KLC1: variants seen among roughly 807,000 people sequenced by gnomAD.
KLC1 encodes kinesin light chain 1.
A neutral mutation model predicts 84.2 loss-of-function variants in KLC1; 30 were observed. The observed-to-expected ratio is 0.36, with a 90% CI of 0.27 to 0.48. KLC1 has a LOEUF of 0.48. Among genes scored for constraint, KLC1 ranks in the 20% least tolerant of loss-of-function variants. KLC1 has a pLI of 0.99. For synonymous variants in KLC1, 289 were observed against 293.3 expected, an observed-to-expected ratio of 0.99 and a Z score of 0.15; for missense variants, 499 against 805.4, an observed-to-expected ratio of 0.62 and a Z score of 4.60.
chr14:103,639,780 CAG>C (rs928116872), intron 1 of KLC1, among the ~76,000 whole-genome samples: 2 of 151,334 alleles, frequency 1.3e-5, no homozygotes, highest in Non-Finnish European at 2.9e-5. Flanking sequence ...ATTTTTGAGA[CAG>C]GGTCTCAACT....
intron 14 of KLC1, among the ~76,000 whole-genome samples, chr14:103,691,153 C>T (rs548920671): frequency 1.7e-5 from 2 of 118,372 alleles, no homozygotes; most frequent in South Asian, 3.0e-4. Flanking sequence ...TGGTTCCCCC[C>T]ACTTTTTTTT....
chr14:103,638,390 T>G (rs781456041), intron 1 of KLC1, among the ~76,000 whole-genome samples: 1 of 152,204 alleles, frequency 6.6e-6, no homozygotes, highest in Non-Finnish European at 1.5e-5. Flanking sequence ...AAAATTGAAA[T>G]GTAAGTCACA....
At chr14:103,659,033 A>G (rs537852669) in intron 3 of KLC1, among the ~76,000 whole-genome samples, 1 of 150,530 alleles carries the variant, frequency 6.6e-6, no homozygotes, top group East Asian at 2.0e-4. Flanking sequence ...GCTGGAGTGC[A>G]ATGGCGCGAT....
chr14:103,681,266 C>T (rs1479282952), intron 13 of KLC1, among the ~76,000 whole-genome samples: 2 of 152,134 alleles, frequency 1.3e-5, no homozygotes, highest in Admixed American at 6.5e-5. Context: ...GCAGTGGTTC[C>T]TAGACTCACT....
chr14:103,632,577 C>T (rs1475899802), intron 1 of KLC1, among the ~76,000 whole-genome samples: 15 of 151,820 alleles, frequency 9.9e-5, no homozygotes, highest in Non-Finnish European at 2.9e-5. Context: ...AAACCAAAAC[C>T]GGGTGTGGTG....
In KLC1 at chr14:103,679,411, G is replaced by T; in HGVS notation, c.1516G>T (p.Val506Leu). 2 of 1,614,076 alleles carry T rather than the reference G, an allele frequency of 1.2e-6. No individual in the cohort carries two copies. The highest frequency in any genetic ancestry group is 1.7e-6 in the Non-Finnish European group (2 of 1,180,030). The part of the protein sequence containing the change: ...QGLDNVHKQR[V>L]AEVLNDPENM... ...TCTTGACAATGTTCACAAACAGAGG[G>T]TGGCAGAAGTGCTCAATGACCCTGA... The change falls in exon 13 of 17, where the codon GTG (valine) becomes TTG (leucine). Residue 506 changes from valine (V) to leucine (L), a missense_variant. Val to Leu is a conservative substitution (Grantham distance 32, BLOSUM62 1). Transcript: ENST00000334553.
chr14:103,692,374 C>G lies in KLC1; in HGVS notation c.1797C>G (p.Ser599Arg). 6.5e-7 allele frequency: 1 copy of G among 1,536,704 alleles called. No individual in the cohort carries two copies. Among genetic ancestry groups the G allele is most frequent in the Non-Finnish European group, 8.7e-7 (1 of 1,147,028 alleles). ...EPKNPGMKRA[S>R]SLNVLNVGGK... ...CGGGTTGCAGCATGAAGCGTGCCAG[C>G]TCTCTGAATGTCCTTAACGTGGGTG... is the stretch of plus-strand genomic sequence containing the variant. Residue 599 changes from serine (S) to arginine (R), a missense_variant, in exon 15 of 17, where the codon AGC becomes AGG. Around this residue, in one of 3 missense-constraint regions of KLC1, gnomAD observed 167 missense variants for 208.8 expected, o/e 0.80. Coordinates refer to ENST00000334553, the MANE Select transcript of KLC1 (RefSeq NM_001394837.1).
Position 103,693,556 on chromosome 14 carries a change from C to A in KLC1, c.1848+1131C>A, listed in dbSNP as rs770229889. 2.8e-5 allele frequency: 43 copies of A among 1,535,970 alleles called. No homozygotes were observed. The highest frequency in any genetic ancestry group is 3.6e-5 in the Non-Finnish European group (41 of 1,146,886). On this transcript the variant is annotated intron_variant, in intron 15 of 16. Transcript: ENST00000334553. This position sits in a 1 kb window ranked among gnomAD's most constrained non-coding sequence, Gnocchi z 5.1. ...TTCTATTTGTTTTTTCATGCAGGAA[C>A]GAAATAATTGTCTGGCCGACTCGCG...
chr14:103,699,804 G>A (rs2082978472), intron 15 of KLC1: 2 of 587,672 alleles, frequency 3.4e-6, no homozygotes, highest in South Asian at 3.7e-5. Flanking sequence ...TTGGCCCCAT[G>A]TCCTTCCTCT....
At chr14:103,630,106 T>TC (rs1425415263) in intron 1 of KLC1, among the ~76,000 whole-genome samples, 2 of 152,232 alleles carry the variant, frequency 1.3e-5, no homozygotes, top group Non-Finnish European at 2.9e-5. Flanking sequence ...CCCCTTATTT[T>TC]CAGTAACCAG....
intron 1 of KLC1, among the ~76,000 whole-genome samples, chr14:103,630,857 C>T (rs1357307964): frequency 6.6e-6 from 1 of 152,144 alleles, no homozygotes; most frequent in African/African-American, 2.4e-5. Flanking sequence ...CATCATGTTG[C>T]AGTTGAGCCT....
rs78853085 is a variant in KLC1 at position 103,671,275 on chromosome 14, T to C, written c.987+992T>C. Among the ~76,000 whole-genome samples, 887 of 152,294 alleles carry C rather than the reference T, an allele frequency of 5.8e-3. 30 individuals are homozygous for C. Among genetic ancestry groups the C allele is most frequent in the African/African-American group, 0.02 (850 of 41,520 alleles). On this transcript the variant is annotated intron_variant, in intron 7 of 16. Transcript: ENST00000334553. Reference sequence around the variant, plus strand: ...CATGGTAATTAGGTATTAAAAAATATAACAACTTGTTCATTTCAGCAGTGC... The same window carrying C: ...CATGGTAATTAGGTATTAAAAAATACAACAACTTGTTCATTTCAGCAGTGC...
Position 103,693,898 on chromosome 14 carries a change from G to C in KLC1, c.1848+1473G>C. ...GGTGGCGCTGAGGTGGCTTCAGCAC[G>C]CTGGGGATTGGCTCCTGCTCACGGA... On this transcript the variant is annotated intron_variant, in intron 15 of 16. Transcript: ENST00000334553. This position sits in a 1 kb window ranked among gnomAD's most constrained non-coding sequence, Gnocchi z 5.1. The C allele has an allele frequency of 1.5e-6, 2 of 1,303,718 alleles. No individual in the cohort carries two copies. Among genetic ancestry groups the C allele is most frequent in the Non-Finnish European group, 1.9e-6 (2 of 1,025,844 alleles). 80.8% of individuals were successfully genotyped at this position (1,303,718 alleles called of 1,614,324 possible).
At chr14:103,659,727 A>G (rs2079127040) in intron 3 of KLC1, among the ~76,000 whole-genome samples, 1 of 152,156 alleles carries the variant, frequency 6.6e-6, no homozygotes, top group South Asian at 2.1e-4. Flanking sequence ...TTTTTTGCGT[A>G]GCACCAGCAA....
chr14:103,675,733 G>T lies in KLC1; in HGVS notation c.1356G>T (p.Trp452Cys). Residue 452 changes from tryptophan to cysteine, a missense_variant, in exon 11 of 17, where the codon TGG (tryptophan) becomes TGT (cysteine). Coordinates refer to ENST00000334553, the MANE Select transcript of KLC1 (RefSeq NM_001394837.1). ...DGTSFGEYGG[W>C]YKACKVDSPT... The stretch of plus-strand genomic sequence containing the variant: ...CATCTTTTGGAGAGTATGGCGGCTG[G>T]TACAAAGCCTGCAAAGTTGATAGGT... 6.2e-7 allele frequency: 1 copy of T among 1,613,932 alleles called. No homozygotes were observed. The highest frequency in any genetic ancestry group is 8.5e-7 in the Non-Finnish European group (1 of 1,179,928).
chr14:103,670,040 TC>T (rs2080243331), intron 6 of KLC1, 141 bp from the exon 7 acceptor site: 2 of 598,478 alleles, frequency 3.3e-6, no homozygotes, highest in Admixed American at 5.6e-5. Flanking sequence ...ATTGCGCTTT[TC>T]ATTTTAACTG....
intron 14 of KLC1, among the ~76,000 whole-genome samples, chr14:103,691,631 G>T (rs1595573953): frequency 6.6e-6 from 1 of 151,762 alleles, no homozygotes; most frequent in East Asian, 1.9e-4. Context: ...ACCATGCCCA[G>T]CTAATTTTTT....
intron 14 of KLC1, among the ~76,000 whole-genome samples, chr14:103,688,557 A>AG (rs1200707992): frequency 6.6e-6 from 1 of 152,152 alleles, no homozygotes; most frequent in Non-Finnish European, 1.5e-5. Flanking sequence ...ATACACGGCC[A>AG]GGGTGCGGGG....
chr14:103,678,249 C>T (rs546171561), intron 12 of KLC1, among the ~76,000 whole-genome samples: 28 of 151,978 alleles, frequency 1.8e-4, no homozygotes, highest in South Asian at 4.2e-4. Context: ...GGCAACAGAG[C>T]GAGACTCCGT....
Sources: allele counts gnomAD v4.1 joint callset (sites outside exome capture counted in the v4.1 genomes callset), GRCh38; gene constraint gnomAD v4.1.1; regional missense constraint gnomAD v4.1.1; non-coding constraint Gnocchi (gnomAD v3.1); transcripts MANE v1.5; gene names NCBI Gene and HGNC (gene_info 2026-07-23, HGNC 2026-07-21).